PMPCB: variants seen among roughly 807,000 people sequenced by gnomAD.
The protein encoded by PMPCB is mitochondrial-processing peptidase subunit beta.
PMPCB carries 46 observed loss-of-function variants against 61.5 expected under a neutral mutation model. The ratio of observed to expected loss-of-function variants is 0.75; its 90% confidence interval spans 0.59 to 0.96. PMPCB has a LOEUF of 0.96. Ranked by LOEUF, PMPCB falls within the 40% of genes least tolerant of loss-of-function variation. The pLI is 0.00. For missense variants in PMPCB, 590 were observed against 602.4 expected (o/e 0.98, Z 0.22); for synonymous variants, 191 against 201.6 (o/e 0.95, Z 0.44).
the PMPCB span, among the ~76,000 whole-genome samples, chr7:103,339,901 T>G: frequency 6.6e-6 from 1 of 152,214 alleles, no homozygotes; most frequent in East Asian, 1.9e-4. Flanking sequence ...TGCAATTGTA[T>G]GATCTCGGCT....
chr7:103,329,107 C>A, exon 13 of PMPCB: 1 of 570,244 alleles, frequency 1.8e-6, no homozygotes, highest in Non-Finnish European at 2.7e-6. Flanking sequence ...GTTTTTCATC[C>A]TTTAACTGGA....
chr7:103,338,940 A>G, the PMPCB span, among the ~76,000 whole-genome samples: 1 of 152,162 alleles, frequency 6.6e-6, no homozygotes, highest in Non-Finnish European at 1.5e-5. Flanking sequence ...ATAAATTTAA[A>G]AAAGAGGTAA....
At chr7:103,328,886 T>C (rs1350134695) in intron 12 of PMPCB, 2 of 598,902 alleles carry the variant, frequency 3.3e-6, no homozygotes, top group Non-Finnish European at 5.0e-6. Flanking sequence ...TTTGAATAAT[T>C]TTAAATGTAA....
rs748462849 is a variant in PMPCB at position 103,297,480 on chromosome 7, A to C, written c.21A>C (p.Arg7=). The C allele has an allele frequency of 1.9e-5, 29 of 1,549,250 alleles. No homozygotes were observed. The highest frequency in any genetic ancestry group is 2.4e-5 in the Non-Finnish European group (28 of 1,147,950). The change falls in exon 1 of 13, where the codon CGA becomes CGC. Residue 7 remains arginine (R), a synonymous_variant. Coordinates refer to ENST00000249269, the MANE Select transcript of PMPCB (RefSeq NM_004279.3). MAAAAA[R]VVLSSAARRR... ...CAGAAATGGCGGCTGCGGCGGCTCG[A>C]GTGGTGTTGTCATCCGCGGCGCGGC...
downstream of PMPCB, chr7:103,319,513 C>G: frequency 1.8e-6 from 2 of 1,118,470 alleles, no homozygotes; most frequent in South Asian, 2.7e-5. Context: ...AAATCAGATA[C>G]TCCCTGCACT....
chr7:103,300,701 T>C (rs1342229924), intron 4 of PMPCB, among the ~76,000 whole-genome samples: 1 of 152,216 alleles, frequency 6.6e-6, no homozygotes, highest in Non-Finnish European at 1.5e-5. Flanking sequence ...TATTTTTGTT[T>C]AGAGAGATAG....
At chr7:103,345,262 C>G in the PMPCB span, 2 of 152,450 alleles carry the variant, frequency 1.3e-5, no homozygotes, top group Non-Finnish European at 2.9e-5. Context: ...AAACCTCTCT[C>G]TAGTGTGTTA....
chr7:103,306,291 GAT>G (rs1817573328), intron 6 of PMPCB, among the ~76,000 whole-genome samples: 1 of 151,818 alleles, frequency 6.6e-6, no homozygotes, highest in African/African-American at 2.4e-5. Context: ...TCAAGTAAGG[GAT>G]ATAGAGTCTA....
intron 12 of PMPCB, chr7:103,327,269 TA>T: frequency 1.1e-6 from 1 of 917,040 alleles, no homozygotes; most frequent in Non-Finnish European, 1.5e-6. Flanking sequence ...TTTAGTCCCA[TA>T]AAGCATCTGA....
chr7:103,337,111 A>G, the PMPCB span: 1 of 152,166 alleles, frequency 6.6e-6, no homozygotes, highest in Admixed American at 6.6e-5. Context: ...TACCTCTTTC[A>G]CTAAACTTTA....
the PMPCB span, among the ~76,000 whole-genome samples, chr7:103,339,299 A>G: frequency 6.6e-6 from 1 of 152,170 alleles, no homozygotes; most frequent in Non-Finnish European, 1.5e-5. Context: ...AATAAACTGA[A>G]CAAGTGAATG....
chr7:103,322,155 T>A, intron 12 of PMPCB: 2 of 1,150,286 alleles, frequency 1.7e-6, no homozygotes, highest in Non-Finnish European at 1.2e-6. Flanking sequence ...TTTAAAAATT[T>A]AAACTTTTAA....
At position 103,314,633 on chromosome 7, in the gene PMPCB, A is replaced by AACC; in HGVS notation, c.*2363_*2365dup. The AACC allele has an allele frequency of 1.0e-6, 1 of 985,402 alleles. No individual in the cohort carries two copies. The highest frequency in any genetic ancestry group is 4.7e-5 in the South Asian group (1 of 21,290). The allele number at this position is 985,402 out of a possible 1,614,324, so 61.0% of individuals were successfully genotyped here. Reference sequence around the variant, plus strand: ...AAGAAGTGTCTTTCAGGTGTTCTGAAACCCTGCCTTGTTACTTACCTTTAT... The same window carrying AACC: ...AAGAAGTGTCTTTCAGGTGTTCTGAAACCACCCTGCCTTGTTACTTACCTTTAT... On this transcript the variant is annotated 3_prime_UTR_variant, in exon 13 of 13. Transcript: ENST00000249269.
chr7:103,327,611 T>A (rs781372173), intron 12 of PMPCB: 1 of 1,259,612 alleles, frequency 7.9e-7, no homozygotes, highest in Non-Finnish European at 1.1e-6. Context: ...AATTAATAAA[T>A]AACAATTACT....
At chr7:103,340,184 C>A in the PMPCB span, among the ~76,000 whole-genome samples, 3 of 152,102 alleles carry the variant, frequency 2.0e-5, no homozygotes, top group African/African-American at 7.3e-5. Flanking sequence ...GAATACGCTG[C>A]CTGATGTTTA....
chr7:103,330,263 G>A (rs1303095377), downstream of PMPCB, among the ~76,000 whole-genome samples: 1 of 152,032 alleles, frequency 6.6e-6, no homozygotes, highest in African/African-American at 2.4e-5. Context: ...TATTCTTTTA[G>A]TGTACTATTA....
At chr7:103,334,778 ATTAT>A in the PMPCB span, among the ~76,000 whole-genome samples, 1 of 151,992 alleles carries the variant, frequency 6.6e-6, no homozygotes, top group Non-Finnish European at 1.5e-5. Context: ...GCATAATAAA[ATTAT>A]TTATTTCAAC....
At chr7:103,332,090 T>C (rs921950322), downstream of PMPCB, among the ~76,000 whole-genome samples, 1 of 151,760 alleles carries the variant, frequency 6.6e-6, no homozygotes, top group Non-Finnish European at 1.5e-5. Context: ...CTGCATGCTC[T>C]GCCTCTCGGG....
At position 103,313,785 on chromosome 7, in the gene PMPCB, T is replaced by G. The variant is rs1817893034; in HGVS notation, c.*1514T>G. On this transcript the variant is annotated 3_prime_UTR_variant, in exon 13 of 13. Transcript: ENST00000249269. Reference sequence around the variant, plus strand: ...CTAAGATGTGTGTCAGAAACAAATATGTTTCTTAAGGATGTTAAGTATTAC... The same window carrying G: ...CTAAGATGTGTGTCAGAAACAAATAGGTTTCTTAAGGATGTTAAGTATTAC... 1.0e-6 allele frequency: 1 copy of G among 985,262 alleles called. No homozygotes were observed. Among genetic ancestry groups the G allele is most frequent in the Non-Finnish European group, 1.2e-6 (1 of 829,866 alleles). The allele number at this position is 985,262 out of a possible 1,614,324, so 61.0% of individuals were successfully genotyped here. A position where few individuals can be genotyped will look rare whatever the true frequency, so the allele number is the denominator to read the frequency against.
Sources: allele counts gnomAD v4.1 joint callset (sites outside exome capture counted in the v4.1 genomes callset), GRCh38; gene constraint gnomAD v4.1.1; transcripts MANE v1.5; gene names NCBI Gene and HGNC (gene_info 2026-07-23, HGNC 2026-07-21).